DPYSL2: variants seen among roughly 807,000 people sequenced by gnomAD.
The protein encoded by DPYSL2 is dihydropyrimidinase like 2.
In DPYSL2, 13 loss-of-function variants were observed where a neutral mutation model predicts 69.9. The observed-to-expected ratio is 0.19, with a 90% CI of 0.12 to 0.30. The LOEUF (loss-of-function observed/expected upper bound fraction) is 0.30. Among genes scored for constraint, DPYSL2 ranks in the 10% least tolerant of loss-of-function variants. DPYSL2 has a pLI of 1.00. For missense variants in DPYSL2, 587 were observed against 918.9 expected, an observed-to-expected ratio of 0.64 and a Z score of 4.67; for synonymous variants, 326 against 359.1, an observed-to-expected ratio of 0.91 and a Z score of 1.04.
chr8:26,556,155 A>AG (rs1563384924), intron 1 of DPYSL2, among the ~76,000 whole-genome samples: 80 of 3,612 alleles, frequency 0.022, 8 homozygotes, highest in East Asian at 0.5. Context: ...TATATACTAT[A>AG]TATAGTATAT....
chr8:26,653,208 TG>T lies in DPYSL2; in HGVS notation c.1777-18del, dbSNP rs759684663. 10 of 1,610,646 alleles carry T rather than the reference TG, an allele frequency of 6.2e-6. No homozygotes were observed. The highest frequency in any genetic ancestry group is 2.2e-5 in the East Asian group (1 of 44,806). On this transcript the variant is annotated intron_variant, in intron 12 of 13. Transcript: ENST00000521913. The surrounding 1 kb of genome is among the most constrained non-coding windows in gnomAD (Gnocchi z 5.7). ...TATCCTCTGTGGCTGTGGCCTGAGC[TG>T]GGGGGACTCTTGTGTTTTGCAGCTG...
In DPYSL2 at chr8:26,610,752, G is replaced by T. The variant is rs1297223633; in HGVS notation, c.629-13391G>T. On this transcript the variant is annotated intron_variant, in intron 3 of 13. Coordinates refer to ENST00000521913, the MANE Select transcript of DPYSL2 (RefSeq NM_001197293.3). The surrounding 1 kb of genome is among the most constrained non-coding windows in gnomAD (Gnocchi z 4.5). ...TTGGAGAAAACTAGTTCTGTACCAG[G>T]GATTATGTTCAGCAGGTTTATCTCC... 6.6e-6 allele frequency among the ~76,000 whole-genome samples: 1 copy of T among 152,058 alleles called. No homozygotes were observed. The highest frequency in any genetic ancestry group is 1.5e-5 in the Non-Finnish European group (1 of 68,022).
chr8:26,546,411 AGAT>A (rs1176627877), intron 1 of DPYSL2, among the ~76,000 whole-genome samples: 1 of 152,228 alleles, frequency 6.6e-6, no homozygotes, highest in Non-Finnish European at 1.5e-5. Flanking sequence ...CCTTCTACAT[AGAT>A]GATTACACCA....
chr8:26,628,089 G>A (rs1220587493), intron 7 of DPYSL2, 149 bp downstream of exon 7: 11 of 771,688 alleles, frequency 1.4e-5, no homozygotes, highest in South Asian at 8.3e-5. Flanking sequence ...GTGTGTGTCT[G>A]TCTGTCTACG....
At chr8:26,568,171 C>G (rs1459928714) in intron 1 of DPYSL2, among the ~76,000 whole-genome samples, 2 of 152,152 alleles carry the variant, frequency 1.3e-5, no homozygotes, top group African/African-American at 4.8e-5. Context: ...TGTCTGGTTC[C>G]TCAAGACAGT....
At chr8:26,618,958 CAAAAGAAAA>C (rs1802421001) in intron 3 of DPYSL2, among the ~76,000 whole-genome samples, 1 of 151,350 alleles carries the variant, frequency 6.6e-6, no homozygotes, top group African/African-American at 2.4e-5. Flanking sequence ...AACGCCATCT[CAAAAGAAAA>C]AAAAGAAAAG....
In DPYSL2 at chr8:26,605,713, AT is replaced by A. The variant is rs1241679167; in HGVS notation, c.629-18427del. Among the ~76,000 whole-genome samples the A allele has an allele frequency of 1.3e-5, 2 of 152,334 alleles. No homozygotes were observed. The highest frequency in any genetic ancestry group is 3.9e-4 in the East Asian group (2 of 5,192). On this transcript the variant is annotated intron_variant, in intron 3 of 13. Transcript: ENST00000521913. This position sits in a 1 kb window ranked among gnomAD's most constrained non-coding sequence, Gnocchi z 4.1. ...CATAAATAACCAATCAGAAAACATA[AT>A]TTAAAAAATCCATACACAATAGCAA...
chr8:26,655,362 G>T (rs1184000459), intron 13 of DPYSL2, among the ~76,000 whole-genome samples: 2 of 152,086 alleles, frequency 1.3e-5, no homozygotes, highest in East Asian at 3.9e-4. Flanking sequence ...TAGGTATGGG[G>T]GCCTGTGGCT....
At chr8:26,581,459 C>T (rs558341578) in intron 1 of DPYSL2, among the ~76,000 whole-genome samples, 4 of 151,780 alleles carry the variant, frequency 2.6e-5, no homozygotes, top group African/African-American at 9.7e-5. Context: ...CTACAACCTC[C>T]GCCTGCTGCT....
chr8:26,652,143 C>G lies in DPYSL2; in HGVS notation c.1597-114C>G. On this transcript the variant is annotated intron_variant, in intron 11 of 13. Transcript: ENST00000521913. The surrounding 1 kb of genome is among the most constrained non-coding windows in gnomAD (Gnocchi z 6.3). ...CTGGGGTGCCCAGTTGGGACAGGAT[C>G]CCTGTCTCTGAGTCTCTCTTTTGTC... The G allele has an allele frequency of 2.0e-6, 2 of 1,017,350 alleles. No individual in the cohort carries two copies. The highest frequency in any genetic ancestry group is 2.1e-5 in the South Asian group (1 of 47,530). The allele number at this position is 1,017,350 out of a possible 1,614,324, so 63.0% of individuals were successfully genotyped here.
In DPYSL2 at chr8:26,597,619, C is replaced by T. The variant is rs146303501; in HGVS notation, c.628+13636C>T. Among the ~76,000 whole-genome samples the T allele has an allele frequency of 3.9e-3, 588 of 152,164 alleles. 7 individuals are homozygous for T. The highest frequency in any genetic ancestry group is 0.014 in the African/African-American group (567 of 41,508). ...CCTCCCAAGTAGCTGGGACTACAGG[C>T]GCCCGCCACCACGCCCAACTAATAT... On this transcript the variant is annotated intron_variant, in intron 3 of 13. Transcript: ENST00000521913. This position sits in a 1 kb window ranked among gnomAD's most constrained non-coding sequence, Gnocchi z 5.2.
chr8:26,656,026 T>C lies in DPYSL2; in HGVS notation c.*320T>C. 1 of 257,480 alleles carries C rather than the reference T, an allele frequency of 3.9e-6. No individual in the cohort carries two copies. Among genetic ancestry groups the C allele is most frequent in the Non-Finnish European group, 7.3e-6 (1 of 136,896 alleles). 15.9% of individuals were successfully genotyped at this position (257,480 alleles called of 1,614,324 possible). On this transcript the variant is annotated 3_prime_UTR_variant, in exon 14 of 14. Transcript: ENST00000521913. The stretch of plus-strand genomic sequence containing the variant: ...CCCCCAGCGAGGGTCTCCTTCGCCT[T>C]CAACCTCCTAGTGTCTGTTAGCATC...
At position 26,643,400 on chromosome 8, in the gene DPYSL2, C is replaced by T. The variant is rs766765018; in HGVS notation, c.1127-39C>T. The T allele has an allele frequency of 2.6e-6, 4 of 1,538,008 alleles. No individual in the cohort carries two copies. Among genetic ancestry groups the T allele is most frequent in the Middle Eastern group, 1.8e-4 (1 of 5,620 alleles). ...CATAGGGGTGGTTCCCTTCCCCCTG[C>T]ATTGTGTTGGACTGAACCTTGTGTG... On this transcript the variant is annotated intron_variant, in intron 8 of 13. Transcript: ENST00000521913. This position sits in a 1 kb window ranked among gnomAD's most constrained non-coding sequence, Gnocchi z 6.5.
At chr8:26,631,315 G>C (rs1802766441) in intron 7 of DPYSL2, among the ~76,000 whole-genome samples, 1 of 152,296 alleles carries the variant, frequency 6.6e-6, no homozygotes, top group African/African-American at 2.4e-5. Flanking sequence ...GAAGGTGAAG[G>C]GGAAGCAGGT....
In DPYSL2 at chr8:26,554,568, A is replaced by G. The variant is rs192279421; in HGVS notation, c.355-27401A>G. On this transcript the variant is annotated intron_variant, in intron 1 of 13. Coordinates refer to ENST00000521913, the MANE Select transcript of DPYSL2 (RefSeq NM_001197293.3). ...TGCTTTTGTTGTGTTTGCTTTTGGCATCTTCGTCATGAAATCTTTGCCCGT... is the reference window on the plus strand; with the variant it reads ...TGCTTTTGTTGTGTTTGCTTTTGGCGTCTTCGTCATGAAATCTTTGCCCGT... 1.9e-3 allele frequency among the ~76,000 whole-genome samples: 286 copies of G among 152,210 alleles called. 2 individuals carry two copies. The highest frequency in any genetic ancestry group is 6.7e-3 in the African/African-American group (278 of 41,536).
Position 26,647,311 on chromosome 8 carries a change from C to T in DPYSL2, c.1426-319C>T, listed in dbSNP as rs1186129508. Among the ~76,000 whole-genome samples, 3 of 152,156 alleles carry T rather than the reference C, an allele frequency of 2.0e-5. No individual in the cohort carries two copies. Among genetic ancestry groups the T allele is most frequent in the African/African-American group, 7.2e-5 (3 of 41,442 alleles). Reference sequence around the variant, plus strand: ...CACCTGTGGAGTCATGTGACCATCACCACAATCAAGATGCAGGTCTAGTCC... The same window carrying T: ...CACCTGTGGAGTCATGTGACCATCATCACAATCAAGATGCAGGTCTAGTCC... On this transcript the variant is annotated intron_variant, in intron 10 of 13. Coordinates refer to ENST00000521913, the MANE Select transcript of DPYSL2 (RefSeq NM_001197293.3). This position sits in a 1 kb window ranked among gnomAD's most constrained non-coding sequence, Gnocchi z 5.1.
chr8:26,652,494 C>A lies in DPYSL2; in HGVS notation c.1776+58C>A, dbSNP rs937216389. On this transcript the variant is annotated intron_variant, in intron 12 of 13. Coordinates refer to ENST00000521913, the MANE Select transcript of DPYSL2 (RefSeq NM_001197293.3). This position sits in a 1 kb window ranked among gnomAD's most constrained non-coding sequence, Gnocchi z 6.3. ...AAATCACGAATTAAGTTCAAGGCCA[C>A]AAACATTTATTAAGCACCTTGAGAC... 2.0e-6 allele frequency: 3 copies of A among 1,520,566 alleles called. No homozygotes were observed. Among genetic ancestry groups the A allele is most frequent in the Non-Finnish European group, 1.8e-6 (2 of 1,116,510 alleles). The allele number at this position is 1,520,566 out of a possible 1,614,324, so 94.2% of individuals were successfully genotyped here.
intron 3 of DPYSL2, among the ~76,000 whole-genome samples, chr8:26,608,947 A>G (rs1307189153): frequency 1.3e-5 from 2 of 152,192 alleles, no homozygotes; most frequent in African/African-American, 4.8e-5. Context: ...GAATAAACAG[A>G]ATAGAGACCC....
chr8:26,530,289 T>C (rs1800485595), intron 1 of DPYSL2, among the ~76,000 whole-genome samples: 1 of 152,212 alleles, frequency 6.6e-6, no homozygotes, highest in South Asian at 2.1e-4. Context: ...TCCCATGAGA[T>C]CACCCTGTGA....
Sources: gnomAD v4.1 joint callset for allele counts (sites outside exome capture counted in the v4.1 genomes callset) on GRCh38, gnomAD v4.1.1 for gene constraint, Gnocchi (gnomAD v3.1) non-coding constraint, MANE v1.5 for transcripts, NCBI Gene and HGNC (gene_info 2026-07-23, HGNC 2026-07-21) for gene names.